The following CDYL variants were observed in gnomAD, a reference collection of about 807,000 sequenced individuals.
The protein encoded by CDYL is chromodomain Y-like protein.
CDYL carries 8 observed loss-of-function variants against 47.3 expected under a neutral mutation model. The observed-to-expected ratio is 0.17, with a 90% confidence interval of 0.10 to 0.31. The LOEUF is 0.31. CDYL is among the 10% of genes least tolerant of loss of function. The probability of loss-of-function intolerance (pLI) is 1.00; values close to 1 mark genes in which losing one functional copy is unlikely to be tolerated. For missense variants in CDYL, 471 were observed against 701.4 expected, an observed-to-expected ratio of 0.67 and a Z score of 3.71; for synonymous variants, 266 against 265.0, an observed-to-expected ratio of 1.00 and a Z score of -0.04.
At chr6:4,912,483 C>T (rs576990864) in intron 2 of CDYL, among the ~76,000 whole-genome samples, 7 of 152,172 alleles carry the variant, frequency 4.6e-5, no homozygotes, top group Non-Finnish European at 8.8e-5. Flanking sequence ...CTGGCAGGGG[C>T]GGAACGCCGT....
chr6:4,905,097 T>C (rs1757190649), intron 2 of CDYL, among the ~76,000 whole-genome samples: 1 of 152,106 alleles, frequency 6.6e-6, no homozygotes, highest in African/African-American at 2.4e-5. Context: ...GAAGTCCACG[T>C]TGGATAAACA....
At chr6:4,908,995 CGTGTACAGGA>C (rs1561702806) in intron 2 of CDYL, among the ~76,000 whole-genome samples, 1 of 152,214 alleles carries the variant, frequency 6.6e-6, no homozygotes, top group East Asian at 1.9e-4. Context: ...TTTCCATGTT[CGTGTACAGGA>C]GTGTACAAAA....
At chr6:4,854,348 G>A (rs1760942432) in intron 1 of CDYL, among the ~76,000 whole-genome samples, 2 of 152,144 alleles carry the variant, frequency 1.3e-5, no homozygotes, top group Admixed American at 6.5e-5. Context: ...CCCTGTTTAT[G>A]TTACGCAGTT....
At chr6:4,775,115 G>C (rs377087567), upstream of CDYL, among the ~76,000 whole-genome samples, 25 of 152,194 alleles carry the variant, frequency 1.6e-4, no homozygotes, top group South Asian at 6.2e-4. The surrounding 1 kb of genome is among the most constrained non-coding windows in gnomAD (Gnocchi z 7.0). Context: ...CTCCAAGGTA[G>C]GTTAGGAACT....
intron 1 of CDYL, among the ~76,000 whole-genome samples, chr6:4,793,875 A>C (rs1380059000): frequency 1.3e-5 from 2 of 152,112 alleles, no homozygotes; most frequent in Non-Finnish European, 1.5e-5. Flanking sequence ...TGGACTTGCC[A>C]TTTACTGAGA....
At chr6:4,739,076 G>A (rs574123336) in intron 3 of CDYL, among the ~76,000 whole-genome samples, 116 of 151,748 alleles carry the variant, frequency 7.6e-4, no homozygotes, top group Non-Finnish European at 1.4e-3. Flanking sequence ...CTGGAGAATC[G>A]CTTCAACCTG....
intron 1 of CDYL, among the ~76,000 whole-genome samples, chr6:4,824,530 G>T (rs1286408371): frequency 6.6e-6 from 1 of 152,162 alleles, no homozygotes; most frequent in Non-Finnish European, 1.5e-5. Flanking sequence ...CTTCTTTGGA[G>T]AAATGTCTAG....
rs1279410000 is a variant in CDYL at position 4,735,909 on chromosome 6, G to A, written c.186+1065G>A. Reference sequence around the variant, plus strand: ...TATGTGCATGTGTGCACGTGATGGGGGGGGGTGGGATGAGAGCACCTAACA... The same window carrying A: ...TATGTGCATGTGTGCACGTGATGGGAGGGGGTGGGATGAGAGCACCTAACA... On this transcript the variant is annotated intron_variant, in intron 3 of 8. Transcript: ENST00000328908. 3.9e-5 allele frequency among the ~76,000 whole-genome samples: 6 copies of A among 152,236 alleles called. No individual in the cohort carries two copies. In the East Asian group the frequency reaches 9.7e-4, roughly 24 times the overall value.
intron 4 of CDYL, among the ~76,000 whole-genome samples, chr6:4,941,236 G>GC (rs1160198745): frequency 6.6e-6 from 1 of 152,228 alleles, no homozygotes; most frequent in Non-Finnish European, 1.5e-5. Flanking sequence ...CTTGGCTGAA[G>GC]CCCACAGAAG....
chr6:4,742,377 AAAAAG>A (rs1158464337), intron 3 of CDYL, among the ~76,000 whole-genome samples: 1 of 151,666 alleles, frequency 6.6e-6, no homozygotes, highest in Admixed American at 6.6e-5. Context: ...AAAAAAAAAA[AAAAAG>A]AAAAGAAAAA....
intron 1 of CDYL, among the ~76,000 whole-genome samples, chr6:4,707,373 G>A (rs1757065636): frequency 6.6e-6 from 1 of 152,178 alleles, no homozygotes; most frequent in African/African-American, 2.4e-5. Context: ...TGTCTCCTGG[G>A]TTCAAGCGAT....
At chr6:4,784,182 T>C (rs1758692708) in intron 1 of CDYL, among the ~76,000 whole-genome samples, 1 of 152,348 alleles carries the variant, frequency 6.6e-6, no homozygotes, top group Middle Eastern at 3.4e-3. Context: ...TTCGAAATAT[T>C]CTGGGGAGTT....
chr6:4,819,116 TTCTCTCTC>T (rs373718294), intron 1 of CDYL, among the ~76,000 whole-genome samples: 905 of 76,692 alleles, frequency 0.012, 19 homozygotes, highest in African/African-American at 0.028. Flanking sequence ...TTTAGGTTCG[TTCTCTCTC>T]TCTCTCTCTC....
At chr6:4,757,170 G>A (rs1198795399) in intron 3 of CDYL, among the ~76,000 whole-genome samples, 1 of 152,156 alleles carries the variant, frequency 6.6e-6, no homozygotes, top group African/African-American at 2.4e-5. Context: ...TGAAATAGTT[G>A]TCATCTAAAC....
chr6:4,755,039 G>T (rs1439277775), intron 3 of CDYL, among the ~76,000 whole-genome samples: 11 of 128,088 alleles, frequency 8.6e-5, no homozygotes, highest in African/African-American at 2.0e-4. Flanking sequence ...TGTTGTTGTT[G>T]TTGTTTTTTG....
intron 1 of CDYL, among the ~76,000 whole-genome samples, chr6:4,848,622 T>C (rs888599934): frequency 2.0e-5 from 3 of 152,220 alleles, no homozygotes; most frequent in Non-Finnish European, 4.4e-5. Flanking sequence ...AAGGCAAATA[T>C]TTTGGTCAGG....
intron 2 of CDYL, among the ~76,000 whole-genome samples, chr6:4,914,995 C>A (rs979849203): frequency 3.3e-5 from 5 of 152,178 alleles, no homozygotes; most frequent in African/African-American, 1.2e-4. Context: ...TTCACTGTGC[C>A]CTGCCTGTGG....
intron 1 of CDYL, among the ~76,000 whole-genome samples, chr6:4,786,081 T>C (rs1237613736): frequency 1.3e-5 from 2 of 152,210 alleles, no homozygotes; most frequent in Non-Finnish European, 2.9e-5. Context: ...AACTTAAACA[T>C]AAATTTTATG....
At chr6:4,857,158 G>T (rs76227916) in intron 1 of CDYL, among the ~76,000 whole-genome samples, 2 of 152,106 alleles carry the variant, frequency 1.3e-5, no homozygotes, top group Non-Finnish European at 2.9e-5. Flanking sequence ...TGAAATATAC[G>T]TGACAAAGTT....
Sources: allele counts gnomAD v4.1 joint callset (sites outside exome capture counted in the v4.1 genomes callset), GRCh38; gene constraint gnomAD v4.1.1; non-coding constraint Gnocchi (gnomAD v3.1); transcripts MANE v1.5; gene names NCBI Gene and HGNC (gene_info 2026-07-23, HGNC 2026-07-21).